Variants in ASTN2 observed in about 807,000 individuals in gnomAD.
ASTN2 encodes the protein astrotactin 2, also known as astrotactin-2.
Under a neutral mutation model 139.8 loss-of-function variants are expected in ASTN2, and 54 were observed. The observed-to-expected ratio is 0.39, with a 90% CI of 0.31 to 0.48. The LOEUF (loss-of-function observed/expected upper bound fraction) is 0.48. ASTN2 is among the 20% of genes least tolerant of loss of function. The pLI is 0.95. For missense variants in ASTN2, 1,565 were observed against 1,725.1 expected (o/e 0.91, Z 1.64); for synonymous variants, 756 against 719.5 (o/e 1.05, Z -0.81).
chr9:116,570,506 C>T (rs1853458706), intron 19 of ASTN2, among the ~76,000 whole-genome samples: 1 of 152,154 alleles, frequency 6.6e-6, no homozygotes, highest in Non-Finnish European at 1.5e-5. Flanking sequence ...TGCCTTTCTC[C>T]TGCCTCAGCC....
intron 16 of ASTN2, among the ~76,000 whole-genome samples, chr9:116,659,747 T>C (rs1034734588): frequency 6.6e-6 from 1 of 152,176 alleles, no homozygotes; most frequent in African/African-American, 2.4e-5. Flanking sequence ...GAAAGCATTC[T>C]AAAGGTCACC....
chr9:116,839,025 A>T (rs1294521095), intron 11 of ASTN2, among the ~76,000 whole-genome samples: 2 of 152,204 alleles, frequency 1.3e-5, no homozygotes, highest in African/African-American at 2.4e-5. Flanking sequence ...GGACTAGGTA[A>T]GTATTTGATT....
At chr9:117,289,401 A>C (rs907961485) in intron 2 of ASTN2, among the ~76,000 whole-genome samples, 1 of 152,186 alleles carries the variant, frequency 6.6e-6, no homozygotes, top group Non-Finnish European at 1.5e-5. Flanking sequence ...CTCACTGAGC[A>C]AAAGGGAAAG....
rs181487724 is a variant in ASTN2, at chr9:116,845,055, A to G, written c.2040+18528T>C. Among the ~76,000 whole-genome samples, 101 of 152,290 alleles carry G rather than the reference A, an allele frequency of 6.6e-4. No individual in the cohort carries two copies. In the East Asian group the frequency reaches 9.8e-3, roughly 15 times the overall value. ...TGTCTTTCCTTGTAGTTCTAGCAGA[A>G]CCAGGGTGCAAACATGGGGGCGTTT... On this transcript the variant is annotated intron_variant, in intron 11 of 22. Transcript: ENST00000313400.
chr9:117,032,109 C>A (rs945636013), intron 6 of ASTN2, among the ~76,000 whole-genome samples: 2 of 152,056 alleles, frequency 1.3e-5, no homozygotes, highest in Non-Finnish European at 2.9e-5. Context: ...AGACTGAAGT[C>A]ATTAGAAAGG....
At chr9:116,536,153 A>C (rs1297774471) in intron 19 of ASTN2, among the ~76,000 whole-genome samples, 2 of 151,968 alleles carry the variant, frequency 1.3e-5, no homozygotes, top group East Asian at 3.9e-4. Flanking sequence ...CAAATCGGCT[A>C]CTGAAGCTTG....
intron 1 of ASTN2, among the ~76,000 whole-genome samples, chr9:117,412,635 C>T (rs1831199506): frequency 1.3e-5 from 2 of 152,200 alleles, no homozygotes; most frequent in African/African-American, 4.8e-5. Flanking sequence ...CAAGTCAGGC[C>T]ATACCCAAGG....
chr9:117,243,529 C>G (rs573545978), intron 2 of ASTN2, among the ~76,000 whole-genome samples: 2 of 152,296 alleles, frequency 1.3e-5, no homozygotes, highest in Admixed American at 1.3e-4. Flanking sequence ...TGATGCCTCA[C>G]TATGTACCGG....
chr9:116,917,336 A>C (rs73527978), intron 10 of ASTN2, among the ~76,000 whole-genome samples: 5,111 of 151,072 alleles, frequency 0.034, 296 homozygotes, highest in African/African-American at 0.12. Context: ...TGTCAGCCCC[A>C]CCCCCCAACT....
At chr9:117,215,386 G>T (rs1588091160) in intron 2 of ASTN2, among the ~76,000 whole-genome samples, 1 of 151,508 alleles carries the variant, frequency 6.6e-6, no homozygotes, top group East Asian at 1.9e-4. Flanking sequence ...GGACAAAGTA[G>T]GTCCTTAACA....
At chr9:116,595,273 T>G (rs1350230901) in intron 19 of ASTN2, among the ~76,000 whole-genome samples, 1 of 152,226 alleles carries the variant, frequency 6.6e-6, no homozygotes, top group Non-Finnish European at 1.5e-5. Flanking sequence ...CTTACAAAAT[T>G]TCTGGTATGG....
intron 13 of ASTN2, among the ~76,000 whole-genome samples, chr9:116,735,551 T>C (rs968980092): frequency 1.3e-5 from 2 of 152,204 alleles, no homozygotes; most frequent in African/African-American, 4.8e-5. Context: ...TGGGTGGTGC[T>C]AAGAACACAG....
At chr9:117,013,075 G>T (rs756470178) in intron 6 of ASTN2, among the ~76,000 whole-genome samples, 2 of 151,872 alleles carry the variant, frequency 1.3e-5, no homozygotes, top group Non-Finnish European at 2.9e-5. Context: ...ATTTCTTGAA[G>T]GCAAAGCCCG....
At chr9:116,937,775 T>C (rs1313962636) in intron 10 of ASTN2, among the ~76,000 whole-genome samples, 1 of 152,214 alleles carries the variant, frequency 6.6e-6, no homozygotes, top group Non-Finnish European at 1.5e-5. Flanking sequence ...TTATACATAA[T>C]TAATTTGATA....
intron 16 of ASTN2, among the ~76,000 whole-genome samples, chr9:116,678,532 A>T (rs1329392662): frequency 6.6e-6 from 1 of 152,200 alleles, no homozygotes; most frequent in Non-Finnish European, 1.5e-5. Context: ...GTTAAAAGGA[A>T]TGTAATTTTG....
chr9:116,725,743 C>G, intron 16 of ASTN2, 28 bp downstream of exon 16: 1 of 1,605,062 alleles, frequency 6.2e-7, no homozygotes. Flanking sequence ...TGCCTGGCCA[C>G]CTCCTACAGT....
chr9:117,117,736 G>A (rs374811454), intron 4 of ASTN2, among the ~76,000 whole-genome samples: 1 of 152,170 alleles, frequency 6.6e-6, no homozygotes, highest in Non-Finnish European at 1.5e-5. Flanking sequence ...ACCATGTGCT[G>A]AGAGTCTGAC....
intron 10 of ASTN2, among the ~76,000 whole-genome samples, chr9:116,889,823 T>G (rs116693786): frequency 0.023 from 3,558 of 151,522 alleles, 135 homozygotes; most frequent in African/African-American, 0.081. Context: ...CCCAGATACT[T>G]GGAAGGCTGG....
chr9:116,453,916 G>A (rs966208285), intron 20 of ASTN2, among the ~76,000 whole-genome samples: 6 of 152,184 alleles, frequency 3.9e-5, no homozygotes, highest in Non-Finnish European at 8.8e-5. Flanking sequence ...AAGAAAACTA[G>A]AAACAATTTA....
Sources: allele counts gnomAD v4.1 joint callset (sites outside exome capture counted in the v4.1 genomes callset), GRCh38; gene constraint gnomAD v4.1.1; transcripts MANE v1.5; gene names NCBI Gene and HGNC (gene_info 2026-07-23, HGNC 2026-07-21).